Variants in SLC9A1 observed in about 807,000 individuals in gnomAD.
The protein encoded by SLC9A1 is sodium/hydrogen exchanger 1.
Under a neutral mutation model 67.9 loss-of-function variants are expected in SLC9A1, and 22 were observed. The observed-to-expected ratio is 0.32, with a 90% confidence interval of 0.23 to 0.46. The LOEUF is 0.46. SLC9A1 is among the 20% of genes least tolerant of loss of function. The probability of loss-of-function intolerance (pLI) is 1.00; values close to 1 mark genes in which losing one functional copy is unlikely to be tolerated. For synonymous variants in SLC9A1, 421 were observed against 471.8 expected (o/e 0.89, Z 1.40); for missense variants, 686 against 1,094.8 (o/e 0.63, Z 5.27).
chr1:27,131,920 C>CA (rs2083387026), intron 1 of SLC9A1, among the ~76,000 whole-genome samples: 1 of 69,396 alleles, frequency 1.4e-5, no homozygotes, highest in Non-Finnish European at 2.6e-5. Context: ...GAATCCGTCT[C>CA]AAAAAGAAGA....
intron 1 of SLC9A1, among the ~76,000 whole-genome samples, chr1:27,153,377 GCTC>G (rs1389093852): frequency 4.6e-5 from 7 of 152,138 alleles, no homozygotes; most frequent in Non-Finnish European, 2.9e-5. Flanking sequence ...TGACTCAGGG[GCTC>G]CTAACTAGCC....
intron 1 of SLC9A1, among the ~76,000 whole-genome samples, chr1:27,121,837 G>A (rs1341096138): frequency 1.3e-5 from 2 of 152,072 alleles, no homozygotes; most frequent in African/African-American, 4.8e-5. Flanking sequence ...AAAACTCAGT[G>A]GAGGGCCGGG....
At position 27,154,041 on chromosome 1, in the gene SLC9A1, G is replaced by C. The variant is rs774110345; in HGVS notation, c.294C>G (p.His98Gln). The C allele has an allele frequency of 1.9e-6, 3 of 1,608,394 alleles. No individual in the cohort carries two copies. Among genetic ancestry groups the C allele is most frequent in the Admixed American group, 3.4e-5 (2 of 59,622 alleles). Residue 98 changes from histidine (H) to glutamine (Q), a missense_variant, in exon 1 of 12, where the codon CAC becomes CAG. Transcript: ENST00000263980. Reference sequence around the variant, plus strand: ...GGGAGATCTCGAAGGGGGTGCGCACGTGTGTGTAGTCGATGCCCAGGACTG... The same window carrying C: ...GGGAGATCTCGAAGGGGGTGCGCACCTGTGTGTAGTCGATGCCCAGGACTG... ...AFPVLGIDYT[H>Q]VRTPFEISLW...
In SLC9A1 at chr1:27,105,872, C is replaced by A. The variant is rs920077569; in HGVS notation, c.1485+13G>T. The A allele has an allele frequency of 6.2e-7, 1 of 1,611,900 alleles. No individual in the cohort carries two copies. Among genetic ancestry groups the A allele is most frequent in the South Asian group, 1.1e-5 (1 of 91,066 alleles). On this transcript the variant is annotated intron_variant, in intron 5 of 11. Transcript: ENST00000263980. ...TCCCCAAGGCAAGGGCCTGCCCTGC[C>A]CTGGCCCAGCACCTGCACAAAGACG...
At chr1:27,124,360 A>G (rs2083326525) in intron 1 of SLC9A1, among the ~76,000 whole-genome samples, 1 of 152,186 alleles carries the variant, frequency 6.6e-6, no homozygotes, top group Non-Finnish European at 1.5e-5. Flanking sequence ...TGTTCTTAGT[A>G]TTGCTTCCAG....
chr1:27,148,269 CCCT>C (rs775918473), intron 1 of SLC9A1, among the ~76,000 whole-genome samples: 7 of 152,144 alleles, frequency 4.6e-5, no homozygotes, highest in Non-Finnish European at 1.0e-4. Flanking sequence ...GCAACTCTGG[CCCT>C]CATCCTCCTT....
intron 1 of SLC9A1, among the ~76,000 whole-genome samples, chr1:27,116,142 C>G (rs1050201434): frequency 1.3e-5 from 2 of 152,110 alleles, no homozygotes; most frequent in Non-Finnish European, 2.9e-5. Flanking sequence ...GGTGGATCAC[C>G]TGAGGTCAGG....
chr1:27,116,709 T>C (rs1013181661), intron 1 of SLC9A1, among the ~76,000 whole-genome samples: 8 of 152,190 alleles, frequency 5.3e-5, no homozygotes, highest in Admixed American at 1.3e-4. Context: ...GGGCTAGTCA[T>C]GTTGGACCCA....
At chr1:27,132,697 T>G (rs2083394107) in intron 1 of SLC9A1, among the ~76,000 whole-genome samples, 1 of 152,220 alleles carries the variant, frequency 6.6e-6, no homozygotes, top group African/African-American at 2.4e-5. Flanking sequence ...CACTGTTCAC[T>G]GCCACTGGAA....
intron 7 of SLC9A1, 47 bp downstream of exon 7, chr1:27,102,626 G>A (rs768461246): frequency 6.2e-7 from 1 of 1,611,394 alleles, no homozygotes; most frequent in Non-Finnish European, 8.5e-7. Flanking sequence ...AGGCCCAGGA[G>A]ACCCTTGCCT....
chr1:27,154,190 A>C lies in SLC9A1; in HGVS notation c.145T>G (p.Ser49Ala). ...ATCGAGCGTTCTCGTGGTGGCTCTG[A>C]GCTTCGAATGGTGCTGGCAGTTGGG... ...LSPTASTIRS[S>A]EPPRERSIGD... The change falls in exon 1 of 12, where the codon TCA becomes GCA. Residue 49 changes from serine to alanine, a missense_variant. Physicochemically the swap from Ser to Ala is moderately conservative, Grantham distance 99. Coordinates refer to ENST00000263980, the MANE Select transcript of SLC9A1 (RefSeq NM_003047.5). The C allele has an allele frequency of 6.2e-7, 1 of 1,614,048 alleles. No homozygotes were observed.
At chr1:27,119,564 C>G (rs2083292646) in intron 1 of SLC9A1, among the ~76,000 whole-genome samples, 1 of 152,180 alleles carries the variant, frequency 6.6e-6, no homozygotes, top group Non-Finnish European at 1.5e-5. Context: ...AAGCCCAGCA[C>G]TCTACAGTTT....
At position 27,101,349 on chromosome 1, in the gene SLC9A1, T is replaced by C. The variant is rs900580298; in HGVS notation, c.2038-74A>G. 2.0e-5 allele frequency: 24 copies of C among 1,171,922 alleles called. No individual in the cohort carries two copies. Among genetic ancestry groups the C allele is most frequent in the Non-Finnish European group, 2.8e-5 (22 of 793,088 alleles). The allele number at this position is 1,171,922 out of a possible 1,614,324, so 72.6% of individuals were successfully genotyped here. On this transcript the variant is annotated intron_variant, in intron 10 of 11. Transcript: ENST00000263980. The surrounding 1 kb of genome is among the most constrained non-coding windows in gnomAD (Gnocchi z 4.9). ...GCCCCTCAGGACAGAACCCGGCCAG[T>C]GCACACCCCACCTTTCGTATATGCA...
intron 1 of SLC9A1, among the ~76,000 whole-genome samples, chr1:27,128,917 G>A (rs1336411156): frequency 6.6e-6 from 1 of 152,066 alleles, no homozygotes; most frequent in Non-Finnish European, 1.5e-5. Flanking sequence ...AGATCCTCAC[G>A]CCATTGCACT....
chr1:27,137,137 A>G lies in SLC9A1; in HGVS notation c.352+16846T>C, dbSNP rs1370995285. Among the ~76,000 whole-genome samples the G allele has an allele frequency of 6.6e-6, 1 of 152,282 alleles. No homozygotes were observed. Among genetic ancestry groups the G allele is most frequent in the African/African-American group, 2.4e-5 (1 of 41,476 alleles). ...TGTCTGTCTCCCACACACAAGTGTCAGTGCCAGCGCTTCCAGGGTGGGAAC... is the reference window on the plus strand; with the variant it reads ...TGTCTGTCTCCCACACACAAGTGTCGGTGCCAGCGCTTCCAGGGTGGGAAC... On this transcript the variant is annotated intron_variant, in intron 1 of 11. Transcript: ENST00000263980. The surrounding 1 kb of genome is among the most constrained non-coding windows in gnomAD (Gnocchi z 4.6).
rs2083124254 is a variant in SLC9A1 at position 27,099,574 on chromosome 1, A to G, written c.*733T>C. ...TCATATATAGGAGTGTGAACAAACA[A>G]AACTTAAAAAGGCAGCACATTCTGG... On this transcript the variant is annotated 3_prime_UTR_variant, in exon 12 of 12. Coordinates refer to ENST00000263980, the MANE Select transcript of SLC9A1 (RefSeq NM_003047.5). 6.6e-6 allele frequency: 1 copy of G among 152,652 alleles called. No homozygotes were observed. The highest frequency in any genetic ancestry group is 6.5e-5 in the Admixed American group (1 of 15,286). 9.5% of individuals were successfully genotyped at this position (152,652 alleles called of 1,614,324 possible). A position where few individuals can be genotyped will look rare whatever the true frequency, so the allele number is the denominator to read the frequency against.
At chr1:27,105,781 C>T in intron 5 of SLC9A1, 104 bp downstream of exon 5, 1 of 988,236 alleles carries the variant, frequency 1.0e-6, no homozygotes, top group Non-Finnish European at 1.6e-6. Context: ...AGTGGTGGAG[C>T]TGGGACTAGA....
At chr1:27,120,782 G>T (rs2083300169) in intron 1 of SLC9A1, among the ~76,000 whole-genome samples, 1 of 152,034 alleles carries the variant, frequency 6.6e-6, no homozygotes, top group African/African-American at 2.4e-5. Context: ...ACAAACACTG[G>T]ACACTTGGAG....
chr1:27,108,750 GAC>G (rs2124144746), intron 3 of SLC9A1, among the ~76,000 whole-genome samples: 1 of 152,270 alleles, frequency 6.6e-6, no homozygotes, highest in African/African-American at 2.4e-5. Flanking sequence ...GCAAAGCCAA[GAC>G]ACACAAACCA....
Sources: allele counts gnomAD v4.1 joint callset (sites outside exome capture counted in the v4.1 genomes callset), GRCh38; gene constraint gnomAD v4.1.1; non-coding constraint Gnocchi (gnomAD v3.1); transcripts MANE v1.5; gene names NCBI Gene and HGNC (gene_info 2026-07-23, HGNC 2026-07-21).